RAP1A: variants seen among roughly 807,000 people sequenced by gnomAD.
The protein encoded by RAP1A is ras-related protein Rap-1A.
RAP1A carries 6 observed loss-of-function variants against 26.4 expected under a neutral mutation model. The observed-to-expected ratio is 0.23, with a 90% confidence interval of 0.12 to 0.45. The LOEUF is 0.45. RAP1A is among the 20% of genes least tolerant of loss of function. The pLI is 0.99. For synonymous variants in RAP1A, 73 were observed against 79.4 expected (o/e 0.92, Z 0.43); for missense variants, 121 against 217.2 (o/e 0.56, Z 2.78).
chr1:111,633,507 G>A (rs1456846308), intron 1 of RAP1A, among the ~76,000 whole-genome samples: 1 of 152,120 alleles, frequency 6.6e-6, no homozygotes, highest in Non-Finnish European at 1.5e-5. Context: ...TTATTTGCAT[G>A]TTTAGATTTT....
chr1:111,656,978 A>G (rs1371939899), intron 1 of RAP1A, among the ~76,000 whole-genome samples: 2 of 152,106 alleles, frequency 1.3e-5, no homozygotes, highest in Non-Finnish European at 2.9e-5. Flanking sequence ...CTGAAACTTG[A>G]TTCCATTAAA....
intron 2 of RAP1A, among the ~76,000 whole-genome samples, chr1:111,692,294 A>C (rs942369299): frequency 1.3e-5 from 2 of 152,190 alleles, no homozygotes; most frequent in African/African-American, 4.8e-5. Context: ...CAAATCAAAG[A>C]GTCATGTCAA....
chr1:111,649,093 C>CT, intron 1 of RAP1A: 1 of 602,630 alleles, frequency 1.7e-6, no homozygotes, highest in Non-Finnish European at 3.2e-6. Context: ...ACTCTAAAGT[C>CT]ATCAGTAGCA....
chr1:111,653,020 A>G (rs1249852194), intron 1 of RAP1A, among the ~76,000 whole-genome samples: 4 of 152,258 alleles, frequency 2.6e-5, no homozygotes, highest in South Asian at 2.1e-4. Context: ...CCAAATGTCC[A>G]TCAACTGATA....
intron 1 of RAP1A, among the ~76,000 whole-genome samples, chr1:111,589,071 T>C (rs1272717038): frequency 6.6e-6 from 1 of 152,236 alleles, no homozygotes; most frequent in Non-Finnish European, 1.5e-5. Context: ...AATTGTATCA[T>C]CCCCTTAAAT....
At chr1:111,706,777 G>C in intron 6 of RAP1A, 1 of 958,244 alleles carries the variant, frequency 1.0e-6, no homozygotes. Flanking sequence ...GCTGCTGTGA[G>C]GTAGGCAATG....
intron 1 of RAP1A, among the ~76,000 whole-genome samples, chr1:111,612,905 C>A (rs183173594): frequency 2.0e-5 from 3 of 152,110 alleles, no homozygotes; most frequent in African/African-American, 7.2e-5. Context: ...ATTGTCCATG[C>A]ATTCTCTCTC....
At chr1:111,695,459 G>A in intron 3 of RAP1A, 50 bp downstream of exon 3, 1 of 1,294,362 alleles carries the variant, frequency 7.7e-7, no homozygotes, top group Non-Finnish European at 1.1e-6. Flanking sequence ...TCCTTATGAT[G>A]TTAAAATTTG....
At position 111,585,033 on chromosome 1, in the gene RAP1A, A is replaced by G. The variant is rs76074235; in HGVS notation, c.-28+42524A>G. 3.9e-5 allele frequency among the ~76,000 whole-genome samples: 6 copies of G among 152,338 alleles called. No individual in the cohort carries two copies. The South Asian group carries it at 1.2e-3, about 32-fold the overall frequency. On this transcript the variant is annotated intron_variant, in intron 1 of 7. Coordinates refer to the RAP1A transcript ENST00000356415. ...GATGGCAAATCAATAGAATGTTTCT[A>G]TGATAGCATGGACCAAAAAGAATGG...
At chr1:111,637,931 C>T (rs1659772370) in intron 1 of RAP1A, among the ~76,000 whole-genome samples, 1 of 151,978 alleles carries the variant, frequency 6.6e-6, no homozygotes, top group African/African-American at 2.4e-5. Flanking sequence ...AGAATTACTT[C>T]ATTCTGTACA....
chr1:111,625,388 GAATAC>G (rs1659365752), intron 1 of RAP1A, among the ~76,000 whole-genome samples: 1 of 151,972 alleles, frequency 6.6e-6, no homozygotes, highest in Non-Finnish European at 1.5e-5. Flanking sequence ...ACAAAGAACT[GAATAC>G]AACTATTTGG....
At chr1:111,697,025 C>T (rs1196951806) in intron 3 of RAP1A, among the ~76,000 whole-genome samples, 2 of 152,048 alleles carry the variant, frequency 1.3e-5, no homozygotes, top group African/African-American at 4.8e-5. Context: ...TTTCTTTACC[C>T]CAAAATGTTG....
At chr1:111,634,740 G>T (rs1659676005) in intron 1 of RAP1A, among the ~76,000 whole-genome samples, 1 of 151,928 alleles carries the variant, frequency 6.6e-6, no homozygotes, top group African/African-American at 2.4e-5. Context: ...CACCTCCTGG[G>T]TTCAAGCGAT....
At chr1:111,553,688 ATT>A (rs1657368167) in intron 1 of RAP1A, among the ~76,000 whole-genome samples, 1 of 152,160 alleles carries the variant, frequency 6.6e-6, no homozygotes, top group Non-Finnish European at 1.5e-5. Flanking sequence ...ATAGACCAGT[ATT>A]TTCACACGTA....
At chr1:111,657,509 T>C (rs1660499730) in intron 1 of RAP1A, among the ~76,000 whole-genome samples, 1 of 152,198 alleles carries the variant, frequency 6.6e-6, no homozygotes, top group South Asian at 2.1e-4. Flanking sequence ...GTGCTTTTGG[T>C]GTTTATCTAA....
At chr1:111,573,575 T>A (rs1403141421) in intron 1 of RAP1A, among the ~76,000 whole-genome samples, 1 of 152,148 alleles carries the variant, frequency 6.6e-6, no homozygotes, top group Non-Finnish European at 1.5e-5. Context: ...CCTCAGGCAA[T>A]CTGCCCACCT....
At chr1:111,679,522 T>TTTTCTTTTCTTTTCTTTTC (rs540463226) in intron 1 of RAP1A, among the ~76,000 whole-genome samples, 10 of 151,784 alleles carry the variant, frequency 6.6e-5, no homozygotes, top group South Asian at 2.1e-4. Flanking sequence ...CTTTTCTTTT[T>TTTTCTTTTCTTTTCTTTTC]TTTTGTACCC....
chr1:111,542,060 C>T (rs943219036), upstream of RAP1A, among the ~76,000 whole-genome samples: 2 of 149,520 alleles, frequency 1.3e-5, no homozygotes, highest in African/African-American at 2.5e-5. Context: ...CTCTTAACAG[C>T]TTAACTCAGG....
At chr1:111,618,341 T>G (rs115609335), upstream of RAP1A, among the ~76,000 whole-genome samples, 10,602 of 152,228 alleles carry the variant, frequency 0.07, 426 homozygotes, top group African/African-American at 0.12. Context: ...TTCAGCAGTA[T>G]CTGATAAGAC....
Sources: allele counts gnomAD v4.1 joint callset (sites outside exome capture counted in the v4.1 genomes callset), GRCh38; gene constraint gnomAD v4.1.1; transcripts MANE v1.5; gene names NCBI Gene and HGNC (gene_info 2026-07-23, HGNC 2026-07-21).